UBAC2: variants seen among roughly 807,000 people sequenced by gnomAD.
UBAC2 encodes ubiquitin-associated domain-containing protein 2.
A neutral mutation model predicts 44.0 loss-of-function variants in UBAC2; 26 were observed. The observed-to-expected ratio is 0.59, with a 90% CI of 0.43 to 0.82. UBAC2 has a LOEUF of 0.82. Ranked by LOEUF, UBAC2 falls within the 40% of genes least tolerant of loss-of-function variation. UBAC2 has a pLI of 0.00. For synonymous variants in UBAC2, 155 were observed against 154.3 expected, an observed-to-expected ratio of 1.00 and a Z score of -0.04; for missense variants, 329 against 419.4, an observed-to-expected ratio of 0.78 and a Z score of 1.88.
In UBAC2 at chr13:99,206,613, T is replaced by C. The variant is rs144828154; in HGVS notation, c.31+5674T>C. Among the ~76,000 whole-genome samples the C allele has an allele frequency of 7.4e-3, 1,133 of 152,312 alleles. 10 individuals are homozygous for C. Among genetic ancestry groups the C allele is most frequent in the South Asian group, 0.057 (275 of 4,824 alleles). On this transcript the variant is annotated intron_variant, in intron 1 of 8. Transcript: ENST00000403766. ...TGGAGCCATGGTCTCATCCAGACTC[T>C]CGGAGACCTGGCACGTCTGTTCTGT...
intron 6 of UBAC2, among the ~76,000 whole-genome samples, chr13:99,330,026 G>A (rs2138804649): frequency 6.6e-6 from 1 of 152,128 alleles, no homozygotes; most frequent in Non-Finnish European, 1.5e-5. Context: ...ATTCCCCTTT[G>A]CAATTTTTAA....
chr13:99,277,291 C>T (rs186421054), intron 4 of UBAC2, among the ~76,000 whole-genome samples: 196 of 152,096 alleles, frequency 1.3e-3, no homozygotes, highest in African/African-American at 4.4e-3. Flanking sequence ...TTTGGGAGGC[C>T]GAGGCAGGTA....
At position 99,367,775 on chromosome 13, in the gene UBAC2, A is replaced by T; in HGVS notation, c.808-12A>T. 6.2e-7 allele frequency: 1 copy of T among 1,613,928 alleles called. No homozygotes were observed. Among genetic ancestry groups the T allele is most frequent in the Non-Finnish European group, 8.5e-7 (1 of 1,179,860 alleles). On this transcript the variant is annotated splice_polypyrimidine_tract_variant and intron_variant, in intron 7 of 8. Transcript: ENST00000403766. ...TTCTGTGTCTGATAACTGTGTGTTG[A>T]TCTCTTTTTAGGGAGGAATGATCAA...
intron 1 of UBAC2, among the ~76,000 whole-genome samples, chr13:99,213,103 T>C (rs1409859765): frequency 6.6e-6 from 1 of 152,216 alleles, no homozygotes; most frequent in Admixed American, 6.5e-5. Context: ...TATATACATA[T>C]ACATATACCT....
intron 4 of UBAC2, chr13:99,308,106 A>T (rs2044362830): frequency 6.6e-6 from 1 of 152,224 alleles, no homozygotes; most frequent in Non-Finnish European, 1.5e-5. Flanking sequence ...CTCAGTTTAA[A>T]CCAACTAACG....
At chr13:99,230,235 G>A (rs2043157152) in intron 1 of UBAC2, among the ~76,000 whole-genome samples, 1 of 152,116 alleles carries the variant, frequency 6.6e-6, no homozygotes, top group Non-Finnish European at 1.5e-5. Context: ...AGGCTGAGGT[G>A]GGCAGATTGC....
chr13:99,200,974 T>C (rs1238606840), intron 1 of UBAC2, 35 bp downstream of exon 1: 1 of 1,299,442 alleles, frequency 7.7e-7, no homozygotes, highest in Non-Finnish European at 9.8e-7. Context: ...GGCTGCCCCC[T>C]ACACGCCACC....
In UBAC2 at chr13:99,295,212, A is replaced by G; in HGVS notation, c.390-18885A>G. The stretch of plus-strand genomic sequence containing the variant: ...ATAACCTTTCTCTTATACCCTTTAC[A>G]TGCAAAGAAGTAGATAAAAGGGTCC... On this transcript the variant is annotated intron_variant, in intron 4 of 8. Coordinates refer to ENST00000403766, the MANE Select transcript of UBAC2 (RefSeq NM_001144072.2). The surrounding 1 kb of genome is among the most constrained non-coding windows in gnomAD (Gnocchi z 4.1). The G allele has an allele frequency of 3.1e-6, 5 of 1,614,130 alleles. No individual in the cohort carries two copies. The highest frequency in any genetic ancestry group is 4.2e-6 in the Non-Finnish European group (5 of 1,179,992).
intron 1 of UBAC2, among the ~76,000 whole-genome samples, chr13:99,209,689 A>G (rs1464776595): frequency 1.3e-5 from 2 of 152,170 alleles, no homozygotes; most frequent in Non-Finnish European, 2.9e-5. Flanking sequence ...CATAAATTTT[A>G]GCGGCTGGGC....
At chr13:99,255,503 C>T (rs2043535031) in intron 4 of UBAC2, 2 of 1,613,988 alleles carry the variant, frequency 1.2e-6, no homozygotes, top group South Asian at 2.2e-5. Flanking sequence ...TTCGGCTGTA[C>T]AATGGCCATG....
At chr13:99,242,599 A>C (rs2043321902) in intron 2 of UBAC2, among the ~76,000 whole-genome samples, 1 of 83,278 alleles carries the variant, frequency 1.2e-5, no homozygotes, top group Non-Finnish European at 2.4e-5. Context: ...GGCGCCCCTC[A>C]CCTCCCAGAC....
chr13:99,324,951 AC>A (rs2044617973), intron 6 of UBAC2, among the ~76,000 whole-genome samples: 1 of 152,220 alleles, frequency 6.6e-6, no homozygotes, highest in African/African-American at 2.4e-5. Flanking sequence ...TAATGTTCAC[AC>A]GATGACCAGA....
chr13:99,208,151 C>T (rs926077935), intron 1 of UBAC2, among the ~76,000 whole-genome samples: 6 of 152,172 alleles, frequency 3.9e-5, no homozygotes, highest in African/African-American at 1.2e-4. Flanking sequence ...GCGTGTACCA[C>T]CACGCCTGGC....
chr13:99,325,332 T>C (rs566673399), intron 6 of UBAC2, among the ~76,000 whole-genome samples: 40 of 152,256 alleles, frequency 2.6e-4, no homozygotes, highest in Non-Finnish European at 5.1e-4. Flanking sequence ...CTTGATCTCC[T>C]GACCTCGTGA....
chr13:99,287,809 C>T (rs2044039503), intron 4 of UBAC2, among the ~76,000 whole-genome samples: 2 of 151,894 alleles, frequency 1.3e-5, no homozygotes, highest in Admixed American at 6.6e-5. Context: ...TTTAACAAAC[C>T]AATAATGTTC....
chr13:99,311,365 G>T (rs569184519), intron 4 of UBAC2, among the ~76,000 whole-genome samples: 12 of 152,290 alleles, frequency 7.9e-5, no homozygotes, highest in African/African-American at 2.6e-4. Flanking sequence ...CGGAGCACAG[G>T]ATCAGAATGG....
intron 1 of UBAC2, 53 bp downstream of exon 1, chr13:99,200,992 C>T (rs909372897): frequency 1.5e-5 from 19 of 1,294,970 alleles, no homozygotes; most frequent in Non-Finnish European, 1.9e-5. Context: ...ACCCTAGGCA[C>T]CTCTTTGAGG....
intron 1 of UBAC2, among the ~76,000 whole-genome samples, chr13:99,207,222 A>C (rs2042883358): frequency 6.6e-6 from 1 of 152,208 alleles, no homozygotes. Flanking sequence ...GGTGTAGCAC[A>C]CAGGCCTGGA....
At chr13:99,354,134 C>T (rs1406107954) in intron 7 of UBAC2, among the ~76,000 whole-genome samples, 1 of 152,222 alleles carries the variant, frequency 6.6e-6, no homozygotes, top group Non-Finnish European at 1.5e-5. Context: ...TGCACCTGCT[C>T]CCTCACGTGG....
Sources: gnomAD v4.1 joint callset for allele counts (sites outside exome capture counted in the v4.1 genomes callset) on GRCh38, gnomAD v4.1.1 for gene constraint, Gnocchi (gnomAD v3.1) non-coding constraint, MANE v1.5 for transcripts, NCBI Gene and HGNC (gene_info 2026-07-23, HGNC 2026-07-21) for gene names.